The following FAM98A variants were observed in gnomAD, a reference collection of about 807,000 sequenced individuals.
FAM98A encodes tRNA splicing ligase complex subunit 3A.
In FAM98A, 25 loss-of-function variants were observed where a neutral mutation model predicts 62.9. That is an observed-to-expected ratio of 0.40 (90% CI 0.29 to 0.56). FAM98A has a LOEUF of 0.56. Ranked by LOEUF, FAM98A falls within the 20% of genes least tolerant of loss-of-function variation. The pLI is 0.51. For missense variants in FAM98A, 653 were observed against 640.7 expected, an observed-to-expected ratio of 1.02 and a Z score of -0.21; for synonymous variants, 252 against 228.6, an observed-to-expected ratio of 1.10 and a Z score of -0.92.
rs999948618 is a variant in FAM98A at position 33,592,262 on chromosome 2, C to T, written c.203-48G>A. ...TATTTAATGATAGTGATTATTTTTC[C>T]ATTAGCATAACAATTATTATATATA... On this transcript the variant is annotated intron_variant, in intron 2 of 7. Coordinates refer to ENST00000238823, the MANE Select transcript of FAM98A (RefSeq NM_015475.5). 6.4e-6 allele frequency: 9 copies of T among 1,411,374 alleles called. No individual in the cohort carries two copies. The Admixed American group carries it at 7.7e-5, about 12-fold the overall frequency. 87.4% of individuals were successfully genotyped at this position (1,411,374 alleles called of 1,614,324 possible).
intron 1 of FAM98A, among the ~76,000 whole-genome samples, chr2:33,596,311 C>T (rs2151147635): frequency 6.6e-6 from 1 of 152,200 alleles, no homozygotes; most frequent in East Asian, 1.9e-4. Context: ...CATTCTAGTA[C>T]CAAAGAAACG....
chr2:33,594,706 TACAC>T (rs369915585), intron 2 of FAM98A, among the ~76,000 whole-genome samples: 2 of 13,338 alleles, frequency 1.5e-4, no homozygotes, highest in Non-Finnish European at 3.3e-4. Context: ...CATATATATA[TACAC>T]ACACACACAC....
Position 33,585,125 on chromosome 2 carries a change from C to T in FAM98A, c.1208G>A (p.Gly403Asp). ...ACCATGATAGCCACCTGGCTGGAAA[C>T]CTGAATCTCGATAACCACCATCTTG... The part of the protein sequence containing the change: ...GYQDGGYRDS[G>D]FQPGGYHGGH... Residue 403 changes from glycine to aspartate, a missense_variant, in exon 8 of 8, where the codon GGT becomes GAT. By Grantham distance (94) the Gly-to-Asp change is moderately conservative (BLOSUM62 -1). Transcript: ENST00000238823. The T allele has an allele frequency of 6.2e-7, 1 of 1,614,186 alleles. No individual in the cohort carries two copies. Among genetic ancestry groups the T allele is most frequent in the Non-Finnish European group, 8.5e-7 (1 of 1,180,036 alleles).
chr2:33,597,783 G>C (rs1413078118), intron 1 of FAM98A, among the ~76,000 whole-genome samples: 1 of 152,074 alleles, frequency 6.6e-6, no homozygotes. Context: ...TCCCAGTAAA[G>C]GGACCCTCCT....
rs148606121 is a variant in FAM98A at position 33,593,349 on chromosome 2, A to G, written c.203-1135T>C. 2.0e-3 allele frequency among the ~76,000 whole-genome samples: 304 copies of G among 152,344 alleles called. 2 individuals carry two copies. The highest frequency in any genetic ancestry group is 7.0e-3 in the African/African-American group (293 of 41,576). ...AACCTGGGAGGCAGAGGTTGCAGTG[A>G]GCCCAGATCGCGCCACTGCACTTCA... On this transcript the variant is annotated intron_variant, in intron 2 of 7. Coordinates refer to ENST00000238823, the MANE Select transcript of FAM98A (RefSeq NM_015475.5).
At position 33,585,448 on chromosome 2, in the gene FAM98A, C is replaced by T. The variant is rs373603576; in HGVS notation, c.889-4G>A. On this transcript the variant is annotated splice_region_variant and splice_polypyrimidine_tract_variant and intron_variant, in intron 7 of 7. Transcript: ENST00000238823. ...CAGGCACCCTGCCCATCAACACCTACAGAATAGGAAAGATATTTTAAACTT... is the reference window on the plus strand; with the variant it reads ...CAGGCACCCTGCCCATCAACACCTATAGAATAGGAAAGATATTTTAAACTT... 8 of 1,613,858 alleles carry T rather than the reference C, an allele frequency of 5.0e-6. No individual in the cohort carries two copies. In the African/African-American group the frequency reaches 1.1e-4, roughly 22 times the overall value.
chr2:33,599,255 G>A lies in FAM98A; in HGVS notation c.-34C>T. ...GGTATTCAAATTTCCGAGTCGTCAG[G>A]CTCCCCTCTTCGCCGGCAACGCGTA... On this transcript the variant is annotated 5_prime_UTR_variant, in exon 1 of 8. Transcript: ENST00000238823. The A allele has an allele frequency of 2.5e-6, 4 of 1,584,356 alleles. No homozygotes were observed. The highest frequency in any genetic ancestry group is 3.5e-6 in the Non-Finnish European group (4 of 1,152,838).
chr2:33,592,075 C>T lies in FAM98A; in HGVS notation c.337+5G>A. On this transcript the variant is annotated splice_donor_5th_base_variant and intron_variant, in intron 3 of 7. Coordinates refer to ENST00000238823, the MANE Select transcript of FAM98A (RefSeq NM_015475.5). ...ATAGCTATATTCTAGTAGCCATGAA[C>T]TTACTGAGCAAGAGGAGGCAGTTCT... is the stretch of plus-strand genomic sequence containing the variant. 2 of 1,611,706 alleles carry T rather than the reference C, an allele frequency of 1.2e-6. No homozygotes were observed. Among genetic ancestry groups the T allele is most frequent in the Non-Finnish European group, 1.7e-6 (2 of 1,178,518 alleles).
At chr2:33,586,454 G>A (rs1558547401) in intron 6 of FAM98A, 108 bp downstream of exon 6, 1 of 661,434 alleles carries the variant, frequency 1.5e-6, no homozygotes, top group South Asian at 2.3e-5. Flanking sequence ...AAATCCCTAT[G>A]TGTGTCTTCT....
intron 2 of FAM98A, among the ~76,000 whole-genome samples, chr2:33,592,486 C>T (rs1677693514): frequency 6.6e-6 from 1 of 152,170 alleles, no homozygotes; most frequent in South Asian, 2.1e-4. Flanking sequence ...CTGTTTAAGT[C>T]TCCGGAATAG....
At chr2:33,587,499 T>G in intron 4 of FAM98A, 179 bp from the exon 5 acceptor site, 1 of 588,710 alleles carries the variant, frequency 1.7e-6, no homozygotes, top group Admixed American at 2.8e-5. Flanking sequence ...GTCCCACTCC[T>G]CACGCCTACA....
intron 3 of FAM98A, among the ~76,000 whole-genome samples, chr2:33,590,996 A>G (rs541861966): frequency 1.1e-4 from 17 of 152,288 alleles, no homozygotes; most frequent in South Asian, 2.1e-4. Context: ...GTATACTGCT[A>G]TTGAATCAGT....
rs1677680893 is a variant in FAM98A, at chr2:33,591,997, A to G, written c.337+83T>C. The G allele has an allele frequency of 2.5e-6, 3 of 1,206,012 alleles. No individual in the cohort carries two copies. In the African/African-American group the frequency reaches 4.6e-5, roughly 18 times the overall value. 74.7% of individuals were successfully genotyped at this position (1,206,012 alleles called of 1,614,324 possible). ...GAATTACATTCATAATGAAATAAACAAACAAAAAACCATGGTCAGTTTATT... is the reference window on the plus strand; with the variant it reads ...GAATTACATTCATAATGAAATAAACGAACAAAAAACCATGGTCAGTTTATT... On this transcript the variant is annotated intron_variant, in intron 3 of 7. Transcript: ENST00000238823.
intron 1 of FAM98A, among the ~76,000 whole-genome samples, chr2:33,596,874 AGAGCAAGACTCCGT>A (rs1423254411): frequency 3.5e-5 from 5 of 141,944 alleles, no homozygotes; most frequent in African/African-American, 1.4e-4. Flanking sequence ...CCTGGGCGAC[AGAGCAAGACTCCGT>A]ATCAAAAAAA....
rs1349869539 is a variant in FAM98A at position 33,584,676 on chromosome 2, AC to A, written c.*99del. 1.4e-5 allele frequency: 15 copies of A among 1,037,764 alleles called. No individual in the cohort carries two copies. The highest frequency in any genetic ancestry group is 2.0e-5 in the Non-Finnish European group (14 of 701,728). 64.3% of individuals were successfully genotyped at this position (1,037,764 alleles called of 1,614,324 possible). On this transcript the variant is annotated 3_prime_UTR_variant, in exon 8 of 8. Transcript: ENST00000238823. ...TATGCCAAGCAGGAATCTGCCTGCC[AC>A]CTGTGGTCTCACATTAATTCAAAAT...
intron 4 of FAM98A, 81 bp downstream of exon 4, chr2:33,588,254 G>A: frequency 8.9e-7 from 1 of 1,121,848 alleles, no homozygotes; most frequent in Non-Finnish European, 1.3e-6. Context: ...CCCATTAAGA[G>A]AAATTAAATT....
rs745391396 is a variant in FAM98A at position 33,585,089 on chromosome 2, C to T, written c.1244G>A (p.Ser415Asn). ...ATAACCTCCGCCTTGATAGCCACCA[C>T]TGCTGTGGCCACCATGATAGCCACC... ...QPGGYHGGHS[S>N]GGYQGGGYGG... is the part of the protein sequence containing the mutation. The change falls in exon 8 of 8, where the codon AGT becomes AAT. Residue 415 changes from serine (S) to asparagine (N), a missense_variant. Coordinates refer to ENST00000238823, the MANE Select transcript of FAM98A (RefSeq NM_015475.5). 6.2e-7 allele frequency: 1 copy of T among 1,614,212 alleles called. No homozygotes were observed. Among genetic ancestry groups the T allele is most frequent in the Admixed American group, 1.7e-5 (1 of 60,030 alleles).
In FAM98A at chr2:33,587,368, A is replaced by T; in HGVS notation, c.523-48T>A. 3 of 1,323,652 alleles carry T rather than the reference A, an allele frequency of 2.3e-6. No individual in the cohort carries two copies. In the East Asian group the frequency reaches 6.9e-5, roughly 30 times the overall value. 82.0% of individuals were successfully genotyped at this position (1,323,652 alleles called of 1,614,324 possible). A position where few individuals can be genotyped will look rare whatever the true frequency, so the allele number is the denominator to read the frequency against. On this transcript the variant is annotated intron_variant, in intron 4 of 7. Transcript: ENST00000238823. ...TGAATAAAAACTCTAAAAGTAAAAC[A>T]TCCTCATCTTCCCAATTCCCATCAT... is the stretch of plus-strand genomic sequence containing the variant.
At chr2:33,590,354 T>C (rs1472126739) in intron 3 of FAM98A, among the ~76,000 whole-genome samples, 2 of 152,112 alleles carry the variant, frequency 1.3e-5, no homozygotes, top group East Asian at 1.9e-4. Flanking sequence ...TTTTCCCCCC[T>C]AAAATACAAT....
Sources: allele counts gnomAD v4.1 joint callset (sites outside exome capture counted in the v4.1 genomes callset), GRCh38; gene constraint gnomAD v4.1.1; transcripts MANE v1.5; gene names NCBI Gene and HGNC (gene_info 2026-07-23, HGNC 2026-07-21).